Variants in KCNQ5 observed in about 807,000 individuals in gnomAD.
KCNQ5 encodes potassium voltage-gated channel subfamily KQT member 5.
A neutral mutation model predicts 98.2 loss-of-function variants in KCNQ5; 30 were observed. That is an observed-to-expected ratio of 0.31 (90% CI 0.23 to 0.41). The LOEUF is 0.41. Among genes scored for constraint, KCNQ5 ranks in the 10% least tolerant of loss-of-function variants. The probability of loss-of-function intolerance (pLI) is 1.00; values close to 1 mark genes in which losing one functional copy is unlikely to be tolerated. For missense variants in KCNQ5, 835 were observed against 1,182.5 expected, an observed-to-expected ratio of 0.71 and a Z score of 4.31; for synonymous variants, 458 against 449.4, an observed-to-expected ratio of 1.02 and a Z score of -0.24.
chr6:73,114,396 A>C (rs1384992370), intron 7 of KCNQ5, among the ~76,000 whole-genome samples: 1 of 152,210 alleles, frequency 6.6e-6, no homozygotes, highest in African/African-American at 2.4e-5. Context: ...TGGTGAGAGA[A>C]CTAAATTAAC....
At chr6:72,635,640 T>G (rs866330205) in intron 1 of KCNQ5, among the ~76,000 whole-genome samples, 2 of 151,692 alleles carry the variant, frequency 1.3e-5, no homozygotes, top group Admixed American at 6.6e-5. Context: ...TTGGTCTTAT[T>G]GTATTTTTCT....
chr6:72,794,368 A>T (rs76819274), intron 1 of KCNQ5, among the ~76,000 whole-genome samples: 1 of 152,216 alleles, frequency 6.6e-6, no homozygotes, highest in African/African-American at 2.4e-5. Context: ...AAATCCTAAA[A>T]CTGAGAGATA....
At chr6:72,815,282 C>T (rs1216560406) in intron 1 of KCNQ5, among the ~76,000 whole-genome samples, 2 of 152,020 alleles carry the variant, frequency 1.3e-5, no homozygotes, top group African/African-American at 2.4e-5. Context: ...TAGAACACAG[C>T]AAATGAGAAA....
intron 1 of KCNQ5, among the ~76,000 whole-genome samples, chr6:72,856,447 C>A (rs1266294018): frequency 2.3e-5 from 2 of 87,544 alleles, no homozygotes; most frequent in African/African-American, 7.2e-5. Flanking sequence ...TGTATACATA[C>A]ACACACACAC....
At chr6:72,855,775 T>C (rs568769937) in intron 1 of KCNQ5, among the ~76,000 whole-genome samples, 1 of 152,310 alleles carries the variant, frequency 6.6e-6, no homozygotes, top group Admixed American at 6.5e-5. Flanking sequence ...AAATTCACCA[T>C]GCAGATTTCA....
intron 1 of KCNQ5, among the ~76,000 whole-genome samples, chr6:72,823,467 G>A (rs1775845599): frequency 6.6e-6 from 1 of 152,050 alleles, no homozygotes. Context: ...GTAAGAATAT[G>A]TCACATTTCT....
intron 1 of KCNQ5, among the ~76,000 whole-genome samples, chr6:72,626,086 A>G (rs558040568): frequency 2.6e-5 from 4 of 152,234 alleles, no homozygotes; most frequent in Admixed American, 6.5e-5. Context: ...TAATTCCCAA[A>G]TTAACAAGGC....
chr6:72,981,381 T>G (rs996728850), intron 1 of KCNQ5, among the ~76,000 whole-genome samples: 3 of 152,206 alleles, frequency 2.0e-5, no homozygotes, highest in Non-Finnish European at 4.4e-5. Context: ...CCTGGTTTAG[T>G]CTTGGGAGGG....
At chr6:73,158,700 C>T (rs577839349) in intron 10 of KCNQ5, among the ~76,000 whole-genome samples, 2 of 152,214 alleles carry the variant, frequency 1.3e-5, no homozygotes, top group South Asian at 2.1e-4. Context: ...AATTTATAAT[C>T]TCATGCACTA....
At chr6:73,119,181 T>C (rs2150437268) in intron 7 of KCNQ5, among the ~76,000 whole-genome samples, 1 of 152,318 alleles carries the variant, frequency 6.6e-6, no homozygotes, top group South Asian at 2.1e-4. Flanking sequence ...CCAAAATCTA[T>C]ATGGGAAAGT....
chr6:72,849,718 A>T (rs561753432), intron 1 of KCNQ5, among the ~76,000 whole-genome samples: 2 of 152,322 alleles, frequency 1.3e-5, no homozygotes, highest in East Asian at 3.9e-4. Context: ...CTCTATGTTT[A>T]TGGAGAGAGA....
chr6:72,933,750 G>C (rs1336838755), intron 1 of KCNQ5, among the ~76,000 whole-genome samples: 1 of 152,062 alleles, frequency 6.6e-6, no homozygotes, highest in Non-Finnish European at 1.5e-5. Context: ...ATTACACTGA[G>C]GTCATGTGTC....
At chr6:72,623,391 AGTGT>A (rs1214797915) in intron 1 of KCNQ5, among the ~76,000 whole-genome samples, 180 of 143,142 alleles carry the variant, frequency 1.3e-3, no homozygotes, top group African/African-American at 1.9e-3. Flanking sequence ...GGAGTCAAAG[AGTGT>A]GTGTGTGTGT....
At position 73,130,834 on chromosome 6, in the gene KCNQ5, G is replaced by C. The variant is rs545881909; in HGVS notation, c.1248-2587G>C. ...AAAGAAAATTTTGCCTGGTTAAAAA[G>C]TTCTTGATTAGAATCTTATTCTTAA... On this transcript the variant is annotated intron_variant, in intron 9 of 13. Coordinates refer to ENST00000370398, the MANE Select transcript of KCNQ5 (RefSeq NM_019842.4). Among the ~76,000 whole-genome samples, 5 of 152,276 alleles carry C rather than the reference G, an allele frequency of 3.3e-5. No individual in the cohort carries two copies. In the South Asian group the frequency reaches 1.0e-3, roughly 32 times the overall value.
At chr6:73,178,055 G>A (rs1476538418) in intron 11 of KCNQ5, among the ~76,000 whole-genome samples, 1 of 151,482 alleles carries the variant, frequency 6.6e-6, no homozygotes, top group African/African-American at 2.4e-5. Flanking sequence ...ATATTTTAAA[G>A]TAGTCAACAT....
In KCNQ5 at chr6:72,884,768, C is replaced by A. The variant is rs532252549; in HGVS notation, c.399-119140C>A. Among the ~76,000 whole-genome samples, 7 of 152,108 alleles carry A rather than the reference C, an allele frequency of 4.6e-5. No homozygotes were observed. The South Asian group carries it at 1.5e-3, about 32-fold the overall frequency. ...AGTAGCTGGGACCACAGATGCACAC[C>A]ACCATTTTTGCCTAATTTTTTGTAT... On this transcript the variant is annotated intron_variant, in intron 1 of 13. Coordinates refer to ENST00000370398, the MANE Select transcript of KCNQ5 (RefSeq NM_019842.4).
In KCNQ5 at chr6:72,622,209, G is replaced by A; in HGVS notation, c.20G>A (p.Gly7Glu). 8.1e-7 allele frequency: 1 copy of A among 1,229,324 alleles called. No homozygotes were observed. The allele number at this position is 1,229,324 out of a possible 1,614,324, so 76.2% of individuals were successfully genotyped here. Residue 7 changes from glycine to glutamate, a missense_variant, in exon 1 of 14, where the codon GGA becomes GAA. By Grantham distance (98) the Gly-to-Glu change is moderately conservative. Transcript: ENST00000370398. This position sits in a 1 kb window ranked among gnomAD's most constrained non-coding sequence, Gnocchi z 6.0. MPRHHA[G>E]GEEGGAAGLW... ...GATGCCATGCCCCGCCACCACGCGG[G>A]AGGAGAGGAGGGCGGCGCCGCCGGG...
intron 1 of KCNQ5, among the ~76,000 whole-genome samples, chr6:72,820,653 A>G (rs1775709983): frequency 6.6e-6 from 1 of 151,892 alleles, no homozygotes; most frequent in Admixed American, 6.6e-5. Flanking sequence ...AAAGGCTCAG[A>G]GAATGTGGCA....
intron 3 of KCNQ5, among the ~76,000 whole-genome samples, chr6:73,043,438 G>C (rs576716764): frequency 2.0e-5 from 3 of 152,210 alleles, no homozygotes; most frequent in Admixed American, 2.0e-4. Flanking sequence ...AGCAAAGTCG[G>C]TGGTAACTCC....
Sources: allele counts gnomAD v4.1 joint callset (sites outside exome capture counted in the v4.1 genomes callset), GRCh38; gene constraint gnomAD v4.1.1; non-coding constraint Gnocchi (gnomAD v3.1); transcripts MANE v1.5; gene names NCBI Gene and HGNC (gene_info 2026-07-23, HGNC 2026-07-21).